AFAP1: variants seen among roughly 807,000 people sequenced by gnomAD.
AFAP1 encodes actin filament associated protein 1.
In AFAP1, 75 loss-of-function variants were observed where a neutral mutation model predicts 93.9. The ratio of observed to expected loss-of-function variants is 0.80; its 90% CI spans 0.66 to 0.97. AFAP1 has a LOEUF of 0.97. AFAP1 is among the 50% of genes least tolerant of loss of function. The probability of loss-of-function intolerance (pLI) is 0.00; values close to 1 mark genes in which losing one functional copy is unlikely to be tolerated. For missense variants in AFAP1, 1,201 were observed against 1,050.8 expected (o/e 1.14, Z -1.98); for synonymous variants, 517 against 430.7 (o/e 1.20, Z -2.48).
chr4:7,850,350 T>C (rs4404542), intron 4 of AFAP1, among the ~76,000 whole-genome samples: 119,629 of 152,084 alleles, frequency 0.79, 47,385 homozygotes, highest in East Asian at 0.94. Context: ...ACCAGCAGCA[T>C]TACATAATGT....
chr4:7,858,520 T>C (rs571545295), intron 3 of AFAP1, among the ~76,000 whole-genome samples: 4 of 152,174 alleles, frequency 2.6e-5, no homozygotes, highest in Non-Finnish European at 4.4e-5. Context: ...CACCACTGCT[T>C]TTAGAGGATC....
chr4:7,925,861 G>GAAAC (rs1720704642), intron 1 of AFAP1, among the ~76,000 whole-genome samples: 1 of 150,472 alleles, frequency 6.6e-6, no homozygotes, highest in South Asian at 2.1e-4. Flanking sequence ...AAAAAAGAAA[G>GAAAC]AAAGAAAGAA....
Position 7,770,360 on chromosome 4 carries a change from T to C in AFAP1, c.2254-1352A>G, listed in dbSNP as rs192566249. On this transcript the variant is annotated intron_variant, in intron 16 of 17. Transcript: ENST00000420658. The stretch of plus-strand genomic sequence containing the variant: ...GCCGAAGGGCACCGGAACCGGGGAG[T>C]GAGGACTAACATGTCCACTGGATGG... Among the ~76,000 whole-genome samples the C allele has an allele frequency of 3.5e-3, 532 of 151,646 alleles. 5 individuals are homozygous for C. The highest frequency in any genetic ancestry group is 0.012 in the African/African-American group (513 of 41,292).
intron 2 of AFAP1, among the ~76,000 whole-genome samples, chr4:7,869,847 G>GACAC (rs35546648): frequency 1.3e-5 from 2 of 151,442 alleles, no homozygotes; most frequent in Non-Finnish European, 2.9e-5. Context: ...AAGGATAAAT[G>GACAC]ACACACACAC....
chr4:7,801,278 C>T (rs547989498), intron 9 of AFAP1, among the ~76,000 whole-genome samples: 26 of 152,298 alleles, frequency 1.7e-4, no homozygotes, highest in African/African-American at 4.6e-4. Flanking sequence ...CCTCAAACTG[C>T]AAAGCGACGG....
At chr4:7,903,625 G>C (rs1226073643) in intron 1 of AFAP1, among the ~76,000 whole-genome samples, 2 of 152,234 alleles carry the variant, frequency 1.3e-5, no homozygotes, top group African/African-American at 4.8e-5. Flanking sequence ...GTTGCAGTGA[G>C]CCGAGAAAGT....
At chr4:7,804,225 C>T (rs981142171) in intron 9 of AFAP1, among the ~76,000 whole-genome samples, 5 of 152,200 alleles carry the variant, frequency 3.3e-5, no homozygotes, top group African/African-American at 9.7e-5. Flanking sequence ...GCAGCCAGGA[C>T]GGGGCCAACT....
rs370414033 is a variant in AFAP1, at chr4:7,787,444, G to A, written c.1413-1133C>T. The stretch of plus-strand genomic sequence containing the variant: ...GGAACCTCCAACTCACAACCTATTG[G>A]TTAGACGCACAGGTGATATCCTGGA... On this transcript the variant is annotated intron_variant, in intron 11 of 17. Coordinates refer to ENST00000420658, the MANE Select transcript of AFAP1 (RefSeq NM_001134647.2). 1.0e-3 allele frequency among the ~76,000 whole-genome samples: 153 copies of A among 152,314 alleles called. 5 individuals carry two copies. The South Asian group carries it at 0.031, about 31-fold the overall frequency.
chr4:7,779,075 A>C, intron 13 of AFAP1, 199 bp from the exon 14 acceptor site: 1 of 573,418 alleles, frequency 1.7e-6, no homozygotes, highest in Admixed American at 3.1e-5. Flanking sequence ...ATGGCTAAGG[A>C]GGGTACGGCA....
chr4:7,820,288 A>C (rs565351174), intron 6 of AFAP1, among the ~76,000 whole-genome samples: 28 of 152,286 alleles, frequency 1.8e-4, no homozygotes, highest in African/African-American at 6.0e-4. Context: ...CTGGACAGAG[A>C]AATGGGCTGG....
At chr4:7,850,473 A>C (rs992383027) in intron 4 of AFAP1, among the ~76,000 whole-genome samples, 2 of 152,246 alleles carry the variant, frequency 1.3e-5, no homozygotes, top group African/African-American at 4.8e-5. Flanking sequence ...AAAGCTGAAA[A>C]TAAAACTGAA....
At position 7,759,048 on chromosome 4, in the gene AFAP1, A is replaced by AAAAT. The variant is rs1400853005; in HGVS notation, c.*4713_*4716dup. The AAAAT allele has an allele frequency of 6.5e-6, 1 of 152,682 alleles. No individual in the cohort carries two copies. The highest frequency in any genetic ancestry group is 1.5e-5 in the Non-Finnish European group (1 of 68,042). 9.5% of individuals were successfully genotyped at this position (152,682 alleles called of 1,614,324 possible). Reference sequence around the variant, plus strand: ...TTTTAAATATGACTTTAGCTTTTAAAAAATACAATAAGGAAATAATTACAT... The same window carrying AAAAT: ...TTTTAAATATGACTTTAGCTTTTAAAAAATAAATACAATAAGGAAATAATTACAT... On this transcript the variant is annotated 3_prime_UTR_variant, in exon 18 of 18. Transcript: ENST00000420658.
rs749341840 is a variant in AFAP1, at chr4:7,786,240, C to G, written c.1484G>C (p.Ser495Thr). 1.1e-5 allele frequency: 18 copies of G among 1,614,068 alleles called. No homozygotes were observed. The highest frequency in any genetic ancestry group is 1.4e-5 in the Non-Finnish European group (17 of 1,180,050). Residue 495 changes from serine (S) to threonine (T), a missense_variant, in exon 12 of 18, where the codon AGC becomes ACC. Ser to Thr is a moderately conservative substitution (Grantham distance 58). Coordinates refer to ENST00000420658, the MANE Select transcript of AFAP1 (RefSeq NM_001134647.2). ...ATCGTCATAATGAAGTGCCGTCCCG[C>G]TGGGGTGGGCATAGCCGTTGGAGGT... The part of the protein sequence containing the change: ...GGTSNGYAHP[S>T]GTALHYDDVP...
intron 1 of AFAP1, among the ~76,000 whole-genome samples, chr4:7,909,693 G>A (rs1374772287): frequency 6.6e-6 from 1 of 152,190 alleles, no homozygotes; most frequent in Non-Finnish European, 1.5e-5. Flanking sequence ...GTATGATTCA[G>A]GACTCCAATT....
intron 4 of AFAP1, among the ~76,000 whole-genome samples, chr4:7,848,128 G>GAA (rs1377379539): frequency 1.5e-3 from 164 of 111,044 alleles, no homozygotes; most frequent in African/African-American, 3.5e-3. Flanking sequence ...AGGAAGGAAG[G>GAA]GAGTGAGTGA....
At chr4:7,861,958 G>C (rs1314890003) in intron 3 of AFAP1, 1 of 152,242 alleles carries the variant, frequency 6.6e-6, no homozygotes, top group Non-Finnish European at 1.5e-5. Context: ...CTGTGAAACA[G>C]AGATAACAAG....
intron 1 of AFAP1, among the ~76,000 whole-genome samples, chr4:7,890,814 G>A (rs996705834): frequency 6.6e-6 from 1 of 152,108 alleles, no homozygotes; most frequent in East Asian, 1.9e-4. Context: ...AAACAGGAGA[G>A]CAACTAGAAT....
intron 12 of AFAP1, 55 bp downstream of exon 12, chr4:7,786,139 T>C: frequency 6.6e-7 from 1 of 1,526,652 alleles, no homozygotes. Flanking sequence ...CACAGAATTT[T>C]CACAGCCTCG....
intron 17 of AFAP1, among the ~76,000 whole-genome samples, chr4:7,764,984 T>C (rs1577166543): frequency 6.6e-6 from 1 of 152,084 alleles, no homozygotes; most frequent in South Asian, 2.1e-4. Context: ...CGCACACCCA[T>C]AGTCCCAGCT....
Sources: allele counts gnomAD v4.1 joint callset (sites outside exome capture counted in the v4.1 genomes callset), GRCh38; gene constraint gnomAD v4.1.1; transcripts MANE v1.5; gene names NCBI Gene and HGNC (gene_info 2026-07-23, HGNC 2026-07-21).